PRKG1: variants seen among roughly 807,000 people sequenced by gnomAD.
PRKG1 encodes the protein cGMP-dependent protein kinase 1.
A neutral mutation model predicts 88.1 loss-of-function variants in PRKG1; 35 were observed. The observed-to-expected ratio is 0.40, with a 90% confidence interval of 0.30 to 0.53. The LOEUF (loss-of-function observed/expected upper bound fraction) is 0.53, where lower values mean the gene tolerates loss of function less well. Ranked by LOEUF, PRKG1 falls within the 20% of genes least tolerant of loss-of-function variation. PRKG1 has a pLI of 0.59. For missense variants in PRKG1, 540 were observed against 839.8 expected, an observed-to-expected ratio of 0.64 and a Z score of 4.41; for synonymous variants, 303 against 292.5, an observed-to-expected ratio of 1.04 and a Z score of -0.37.
At chr10:51,086,126 A>G (rs1174594577) in intron 1 of PRKG1, among the ~76,000 whole-genome samples, 1 of 152,228 alleles carries the variant, frequency 6.6e-6, no homozygotes, top group Non-Finnish European at 1.5e-5. Flanking sequence ...GTAGCACTGA[A>G]TGGCATACAA....
chr10:51,660,777 C>G (rs1342772136), intron 3 of PRKG1, among the ~76,000 whole-genome samples: 1 of 152,028 alleles, frequency 6.6e-6, no homozygotes, highest in East Asian at 1.9e-4. Flanking sequence ...CTTGGTGATG[C>G]ATGTTATGGC....
chr10:51,012,871 G>T (rs1272385398), intron 1 of PRKG1, among the ~76,000 whole-genome samples: 1 of 152,226 alleles, frequency 6.6e-6, no homozygotes, highest in Non-Finnish European at 1.5e-5. Context: ...CTTTTCTCAG[G>T]TGGCATTTAA....
chr10:51,495,233 T>G (rs112167620), intron 3 of PRKG1, among the ~76,000 whole-genome samples: 1 of 152,202 alleles, frequency 6.6e-6, no homozygotes, highest in African/African-American at 2.4e-5. Flanking sequence ...TGGCTGGGAC[T>G]ACAGGCGAGC....
intron 5 of PRKG1, among the ~76,000 whole-genome samples, chr10:52,018,706 C>A (rs1009214934): frequency 1.5e-4 from 23 of 152,128 alleles, no homozygotes; most frequent in East Asian, 9.6e-4. Flanking sequence ...TTGTACCGAG[C>A]AGAGTAAAAC....
At chr10:51,630,668 A>C (rs909700869) in intron 3 of PRKG1, among the ~76,000 whole-genome samples, 3 of 152,208 alleles carry the variant, frequency 2.0e-5, no homozygotes, top group African/African-American at 7.2e-5. Flanking sequence ...ATGGTGACTC[A>C]TTAATCTTCT....
At chr10:51,368,830 C>T (rs930373346) in intron 2 of PRKG1, among the ~76,000 whole-genome samples, 9 of 151,956 alleles carry the variant, frequency 5.9e-5, no homozygotes, top group Admixed American at 2.0e-4. Flanking sequence ...TTCATGGGAG[C>T]GTAGTGTCCT....
At chr10:51,730,022 C>T (rs950045572) in intron 3 of PRKG1, among the ~76,000 whole-genome samples, 1 of 152,154 alleles carries the variant, frequency 6.6e-6, no homozygotes, top group Non-Finnish European at 1.5e-5. Flanking sequence ...CGTCATTACC[C>T]AAAGTCCATA....
At chr10:51,142,850 T>A (rs140015363) in intron 1 of PRKG1, among the ~76,000 whole-genome samples, 13 of 152,242 alleles carry the variant, frequency 8.5e-5, no homozygotes, top group Non-Finnish European at 1.6e-4. Flanking sequence ...CTTCTAAAAT[T>A]TTTTAATTGA....
chr10:51,875,205 G>A (rs898166242), intron 4 of PRKG1, among the ~76,000 whole-genome samples: 2 of 151,920 alleles, frequency 1.3e-5, no homozygotes, highest in Non-Finnish European at 2.9e-5. Context: ...GGTAAGTGTT[G>A]AATGCATTTG....
intron 5 of PRKG1, chr10:51,908,581 T>C (rs970370282): frequency 1.5e-4 from 22 of 151,462 alleles, no homozygotes; most frequent in African/African-American, 5.4e-4. Context: ...AAAATTGTTG[T>C]GGCTGCTGTG....
rs1240200660 is a variant in PRKG1 at position 51,074,540 on chromosome 10, C to G, written c.-51C>G. 6.4e-7 allele frequency: 1 copy of G among 1,572,412 alleles called. No individual in the cohort carries two copies. The highest frequency in any genetic ancestry group is 8.6e-7 in the Non-Finnish European group (1 of 1,157,472). On this transcript the variant is annotated 5_prime_UTR_variant, in exon 1 of 18. Transcript: ENST00000373980. ...AAGTTGATCGGAGAGGGGAGGAAGCCTCAAGACGCGGAGCAGCGGCAGGAA... is the reference window on the plus strand; with the variant it reads ...AAGTTGATCGGAGAGGGGAGGAAGCGTCAAGACGCGGAGCAGCGGCAGGAA...
chr10:51,929,110 C>A (rs1315998748), intron 5 of PRKG1, among the ~76,000 whole-genome samples: 1 of 152,096 alleles, frequency 6.6e-6, no homozygotes, highest in Non-Finnish European at 1.5e-5. Flanking sequence ...AACTAATTAA[C>A]TTGCCATTTT....
chr10:51,668,712 G>A (rs760682988), intron 3 of PRKG1, among the ~76,000 whole-genome samples: 2 of 151,876 alleles, frequency 1.3e-5, no homozygotes, highest in Admixed American at 1.3e-4. Context: ...AATTAGGACT[G>A]TTTTGTGTTT....
At chr10:51,266,720 C>T (rs572987753) in intron 2 of PRKG1, among the ~76,000 whole-genome samples, 92 of 152,258 alleles carry the variant, frequency 6.0e-4, no homozygotes, top group African/African-American at 2.0e-3. Context: ...AAGGTCAATG[C>T]ATAAAGCTGA....
At chr10:51,934,686 A>T (rs1051785605) in intron 5 of PRKG1, among the ~76,000 whole-genome samples, 26 of 152,140 alleles carry the variant, frequency 1.7e-4, no homozygotes, top group Admixed American at 1.6e-3. Flanking sequence ...TCTGTCTGTG[A>T]CGTCTGGAGT....
At chr10:51,139,418 A>G (rs1845771611) in intron 1 of PRKG1, among the ~76,000 whole-genome samples, 1 of 152,088 alleles carries the variant, frequency 6.6e-6, no homozygotes, top group Non-Finnish European at 1.5e-5. Context: ...TCTCCTTGAA[A>G]TGCTTCCCTC....
chr10:51,994,198 G>T (rs951765774), intron 5 of PRKG1, among the ~76,000 whole-genome samples: 1 of 151,996 alleles, frequency 6.6e-6, no homozygotes, highest in Admixed American at 6.6e-5. Context: ...TCATCTTAGG[G>T]GTATATATTT....
At chr10:52,057,403 C>A (rs780642177) in intron 6 of PRKG1, among the ~76,000 whole-genome samples, 1 of 152,148 alleles carries the variant, frequency 6.6e-6, no homozygotes, top group African/African-American at 2.4e-5. Context: ...TCAGTTAGTT[C>A]TCTACACTTC....
At chr10:51,258,645 C>T (rs1839626295) in intron 2 of PRKG1, among the ~76,000 whole-genome samples, 1 of 152,214 alleles carries the variant, frequency 6.6e-6, no homozygotes, top group Non-Finnish European at 1.5e-5. Context: ...GGTCAGTACT[C>T]CTGCTTCAGT....
Sources: gnomAD v4.1 joint callset for allele counts (sites outside exome capture counted in the v4.1 genomes callset) on GRCh38, gnomAD v4.1.1 for gene constraint, MANE v1.5 for transcripts, NCBI Gene and HGNC (gene_info 2026-07-23, HGNC 2026-07-21) for gene names.